The following NHS variants were observed in gnomAD, a reference collection of about 807,000 sequenced individuals.
NHS encodes the protein NHS actin remodeling regulator.
NHS carries 5 observed loss-of-function variants against 72.5 expected under a neutral mutation model. The ratio of observed to expected loss-of-function variants is 0.07; its 90% confidence interval spans 0.04 to 0.14. The LOEUF is 0.14. NHS is among the 10% of genes least tolerant of loss of function. NHS has a pLI of 1.00. For missense variants in NHS, 1,072 were observed against 1,355.7 expected (o/e 0.79, Z 3.29); for synonymous variants, 464 against 547.7 (o/e 0.85, Z 2.13).
In NHS at chrX:17,400,459, G is replaced by A. The variant is rs1008828268; in HGVS notation, c.565+24137G>A. On this transcript the variant is annotated intron_variant, in intron 1 of 8. Coordinates refer to ENST00000676302, the MANE Select transcript of NHS (RefSeq NM_001291867.2). Reference sequence around the variant, plus strand: ...AAATTAGCTGGGTGCAGTGGCAGACGCCTGTAATCCCAGCTACTTGGGAAG... The same window carrying A: ...AAATTAGCTGGGTGCAGTGGCAGACACCTGTAATCCCAGCTACTTGGGAAG... 4.5e-5 allele frequency among the ~76,000 whole-genome samples: 5 copies of A among 110,484 alleles called. No homozygotes were observed. The Admixed American group carries it at 4.8e-4, about 11-fold the overall frequency.
chrX:17,416,840 GAGAC>G (rs962110791), intron 1 of NHS, among the ~76,000 whole-genome samples: 2 of 109,578 alleles, frequency 1.8e-5, no homozygotes, highest in Non-Finnish European at 3.8e-5. Flanking sequence ...GAGAGAGAGA[GAGAC>G]AAACTAGGGA....
At chrX:17,427,119 G>A (rs1274327599) in intron 1 of NHS, among the ~76,000 whole-genome samples, 1 of 111,972 alleles carries the variant, frequency 8.9e-6, no homozygotes, top group Admixed American at 9.4e-5. Context: ...ATAGGATTTT[G>A]CTAGTTCAGA....
rs2066392294 is a variant in NHS, at chrX:17,719,416, C to CT, written c.915+11dup. ...CCCGTGGAGTAGAAAGGTATTGGTTCTGAGAACATTCCTTCACGGCCCTAT... is the reference window on the plus strand; with the variant it reads ...CCCGTGGAGTAGAAAGGTATTGGTTCTTGAGAACATTCCTTCACGGCCCTAT... On this transcript the variant is annotated intron_variant, in intron 4 of 8. Coordinates refer to ENST00000676302, the MANE Select transcript of NHS (RefSeq NM_001291867.2). 1 of 1,149,699 alleles carries CT rather than the reference C, an allele frequency of 8.7e-7. No homozygotes were observed. The highest frequency in any genetic ancestry group is 1.8e-5 in the African/African-American group (1 of 55,224). 94.7% of individuals were successfully genotyped at this position (1,149,699 alleles called of 1,213,427 possible).
chrX:17,465,953 C>T (rs916287611), intron 1 of NHS, among the ~76,000 whole-genome samples: 5 of 112,829 alleles, frequency 4.4e-5, no homozygotes, highest in South Asian at 7.3e-4. Flanking sequence ...CGTTATATAA[C>T]GGAATTTGAA....
chrX:17,446,663 A>T lies in NHS; in HGVS notation c.565+70341A>T, dbSNP rs773651734. On this transcript the variant is annotated intron_variant, in intron 1 of 8. Coordinates refer to ENST00000676302, the MANE Select transcript of NHS (RefSeq NM_001291867.2). ...ATAAACAGCCTTTTTGCCCAAAAAA[A>T]AAAAAAAATCAATAAAATAAAACTA... Among the ~76,000 whole-genome samples the T allele has an allele frequency of 5.4e-5, 6 of 110,963 alleles. No homozygotes were observed. In the South Asian group the frequency reaches 2.3e-3, roughly 43 times the overall value.
At chrX:17,544,131 A>G (rs750114356) in intron 1 of NHS, among the ~76,000 whole-genome samples, 2 of 112,560 alleles carry the variant, frequency 1.8e-5, no homozygotes, top group East Asian at 5.5e-4. Flanking sequence ...TATGCTAAGT[A>G]TTATCATGTA....
intron 1 of NHS, among the ~76,000 whole-genome samples, chrX:17,475,304 G>T (rs1333516019): frequency 8.9e-6 from 1 of 112,560 alleles, no homozygotes; most frequent in Non-Finnish European, 1.9e-5. Context: ...GTCAGCTTGG[G>T]CTAGTATTTC....
At chrX:17,508,659 G>A (rs371845410) in intron 1 of NHS, among the ~76,000 whole-genome samples, 9 of 110,956 alleles carry the variant, frequency 8.1e-5, no homozygotes, top group African/African-American at 2.6e-4. Flanking sequence ...TTTAGTAGAC[G>A]GGGTTTCACC....
intron 1 of NHS, among the ~76,000 whole-genome samples, chrX:17,476,939 A>G (rs1407251293): frequency 1.8e-5 from 2 of 112,331 alleles, no homozygotes; most frequent in Admixed American, 1.9e-4. Flanking sequence ...GTGCAGGGGC[A>G]CTGACAGTGT....
intron 1 of NHS, among the ~76,000 whole-genome samples, chrX:17,569,850 G>A (rs904170538): frequency 1.1e-4 from 12 of 111,998 alleles, no homozygotes; most frequent in Non-Finnish European, 1.9e-4. Context: ...TTTGTATAAG[G>A]TGTAAGGAAG....
intron 1 of NHS, among the ~76,000 whole-genome samples, chrX:17,470,630 TC>T (rs774930078): frequency 7.2e-5 from 8 of 111,721 alleles, no homozygotes; most frequent in African/African-American, 2.6e-4. Context: ...CTCGCTGCAC[TC>T]CAGCTACCAC....
chrX:17,377,676 C>A (rs1196735605), intron 1 of NHS, among the ~76,000 whole-genome samples: 4 of 113,631 alleles, frequency 3.5e-5, no homozygotes, highest in Non-Finnish European at 5.6e-5. Context: ...CTCCGAAAAA[C>A]CCTTTGAACC....
At chrX:17,401,350 C>T (rs2064502290) in intron 1 of NHS, among the ~76,000 whole-genome samples, 1 of 111,995 alleles carries the variant, frequency 8.9e-6, no homozygotes, top group Non-Finnish European at 1.9e-5. Context: ...ATGAATCTTA[C>T]AGTACAAGTG....
chrX:17,421,071 T>G (rs1300817825), intron 1 of NHS, among the ~76,000 whole-genome samples: 1 of 111,188 alleles, frequency 9.0e-6, no homozygotes, highest in Non-Finnish European at 1.9e-5. Context: ...TGCCATCTTT[T>G]TTTTTTCAGT....
At chrX:17,500,608 T>A (rs371324983) in intron 1 of NHS, among the ~76,000 whole-genome samples, 4 of 112,009 alleles carry the variant, frequency 3.6e-5, no homozygotes, top group East Asian at 5.6e-4. Flanking sequence ...AATAGCTAGG[T>A]CTGTGCCTCC....
chrX:17,596,683 G>A (rs761393084), intron 1 of NHS, among the ~76,000 whole-genome samples: 3 of 111,639 alleles, frequency 2.7e-5, no homozygotes, highest in African/African-American at 9.8e-5. Context: ...AAGTTTGAGA[G>A]TCTGGAATTT....
intron 1 of NHS, among the ~76,000 whole-genome samples, chrX:17,675,481 C>G (rs1470650105): frequency 8.9e-6 from 1 of 112,164 alleles, no homozygotes; most frequent in Non-Finnish European, 1.9e-5. Flanking sequence ...CAATGACAAC[C>G]TAGCAACGAT....
At chrX:17,667,303 A>G (rs1436938278) in intron 1 of NHS, among the ~76,000 whole-genome samples, 1 of 112,332 alleles carries the variant, frequency 8.9e-6, no homozygotes, top group Non-Finnish European at 1.9e-5. Flanking sequence ...TCCAGCCAGA[A>G]GCACAAATGG....
At chrX:17,712,394 A>G (rs1465201357) in intron 3 of NHS, among the ~76,000 whole-genome samples, 6 of 76,417 alleles carry the variant, frequency 7.9e-5, no homozygotes, top group Non-Finnish European at 1.4e-4. Flanking sequence ...ACACACACAC[A>G]TATATATATA....
Sources: allele counts gnomAD v4.1 joint callset (sites outside exome capture counted in the v4.1 genomes callset), GRCh38; gene constraint gnomAD v4.1.1; transcripts MANE v1.5; gene names NCBI Gene and HGNC (gene_info 2026-07-23, HGNC 2026-07-21).